Variants in SEC11A observed in about 807,000 individuals in gnomAD.
The protein encoded by SEC11A is signal peptidase complex catalytic subunit SEC11A.
In SEC11A, 14 loss-of-function variants were observed where a neutral mutation model predicts 25.6. The ratio of observed to expected loss-of-function variants is 0.55; its 90% CI spans 0.36 to 0.85. SEC11A has a LOEUF of 0.85. Ranked by LOEUF, SEC11A falls within the 40% of genes least tolerant of loss-of-function variation. The pLI, the probability that SEC11A is intolerant of heterozygous loss-of-function variation, is 0.01. For missense variants in SEC11A, 153 were observed against 222.9 expected (o/e 0.69, Z 2.00); for synonymous variants, 83 against 76.4 (o/e 1.09, Z -0.45).
At chr15:84,687,582 A>T (rs1471602612) in intron 3 of SEC11A, 43 bp downstream of exon 3, 1 of 1,492,468 alleles carries the variant, frequency 6.7e-7, no homozygotes, top group African/African-American at 1.4e-5. Flanking sequence ...CAAACACTTA[A>T]ACAAAAGCAC....
intron 1 of SEC11A, among the ~76,000 whole-genome samples, chr15:84,707,181 C>CTTTT (rs35694643): frequency 2.4e-4 from 22 of 91,658 alleles, no homozygotes; most frequent in African/African-American, 3.3e-4. Context: ...TTGTGTGAGA[C>CTTTT]TTTTTTTTTT....
Position 84,687,787 on chromosome 15 carries a change from G to A in SEC11A, c.162-13C>T. Reference sequence around the variant, plus strand: ...TTCCATGCTGCCACTGGAAGGGAAAGAAGAATATAACAGCAAAAAGAAAGT... The same window carrying A: ...TTCCATGCTGCCACTGGAAGGGAAAAAAGAATATAACAGCAAAAAGAAAGT... On this transcript the variant is annotated splice_polypyrimidine_tract_variant and intron_variant, in intron 2 of 5. Coordinates refer to ENST00000268220, the MANE Select transcript of SEC11A (RefSeq NM_014300.4). 1 of 1,582,262 alleles carries A rather than the reference G, an allele frequency of 6.3e-7. No homozygotes were observed. The highest frequency in any genetic ancestry group is 8.5e-7 in the Non-Finnish European group (1 of 1,171,386).
chr15:84,680,755 T>C lies in SEC11A; in HGVS notation c.389A>G (p.Gln130Arg). Reference protein sequence around the residue: ...VDDRGLYKQGQHWLEKKDVVG... With the variant: ...VDDRGLYKQGRHWLEKKDVVG... ...AACATCTTTTTTCTCTAGCCAATGT[T>C]GTCCTTGTTTATAGAGGCCTCGGTC... The change falls in exon 4 of 6, where the codon CAA (glutamine) becomes CGA (arginine). Residue 130 changes from glutamine to arginine, a missense_variant. Transcript: ENST00000268220. 1 of 1,613,250 alleles carries C rather than the reference T, an allele frequency of 6.2e-7. No individual in the cohort carries two copies. The highest frequency in any genetic ancestry group is 8.5e-7 in the Non-Finnish European group (1 of 1,179,364).
At chr15:84,714,955 A>T (rs1898410643) in intron 1 of SEC11A, 1 of 152,172 alleles carries the variant, frequency 6.6e-6, no homozygotes. Flanking sequence ...AATATGGATT[A>T]AAAAAAGACA....
At chr15:84,687,897 A>C in intron 2 of SEC11A, 123 bp from the exon 3 acceptor site, 1 of 767,148 alleles carries the variant, frequency 1.3e-6, no homozygotes, top group Non-Finnish European at 2.0e-6. Context: ...CCTAACAACT[A>C]TATCAACAGA....
chr15:84,701,136 G>A (rs2141912178), intron 1 of SEC11A, among the ~76,000 whole-genome samples: 1 of 130,410 alleles, frequency 7.7e-6, no homozygotes, highest in South Asian at 2.4e-4. Flanking sequence ...CATAACAATA[G>A]AAATTATCTC....
intron 3 of SEC11A, among the ~76,000 whole-genome samples, chr15:84,682,390 A>G (rs953995031): frequency 6.6e-6 from 1 of 152,190 alleles, no homozygotes; most frequent in Non-Finnish European, 1.5e-5. Context: ...TTCAAAGAAG[A>G]AATACCTCAA....
intron 1 of SEC11A, among the ~76,000 whole-genome samples, chr15:84,694,260 C>A (rs1052583118): frequency 2.6e-5 from 4 of 151,718 alleles, no homozygotes; most frequent in African/African-American, 9.7e-5. Flanking sequence ...AAGGCTGAAG[C>A]ACAAGAATCA....
In SEC11A at chr15:84,687,793, T is replaced by A; in HGVS notation, c.162-19A>T. ...GCTGCCACTGGAAGGGAAAGAAGAATATAACAGCAAAAAGAAAGTATGAGA... is the reference window on the plus strand; with the variant it reads ...GCTGCCACTGGAAGGGAAAGAAGAAAATAACAGCAAAAAGAAAGTATGAGA... On this transcript the variant is annotated intron_variant, in intron 2 of 5. Transcript: ENST00000268220. 1 of 1,574,294 alleles carries A rather than the reference T, an allele frequency of 6.4e-7. No homozygotes were observed. The highest frequency in any genetic ancestry group is 2.1e-5 in the Admixed American group (1 of 46,608).
intron 1 of SEC11A, among the ~76,000 whole-genome samples, chr15:84,701,103 G>A (rs1223294811): frequency 7.4e-6 from 1 of 134,286 alleles, no homozygotes; most frequent in Admixed American, 7.9e-5. Flanking sequence ...CACCTCAGAA[G>A]AAAAGTTTAG....
Position 84,691,485 on chromosome 15 carries a change from C to A in SEC11A, c.161+50G>T, listed in dbSNP as rs367610200. 1.1e-5 allele frequency: 11 copies of A among 998,180 alleles called. No individual in the cohort carries two copies. In the African/African-American group the frequency reaches 1.8e-4, roughly 16 times the overall value. The allele number at this position is 998,180 out of a possible 1,614,324, so 61.8% of individuals were successfully genotyped here. A position where few individuals can be genotyped will look rare whatever the true frequency, so the allele number is the denominator to read the frequency against. On this transcript the variant is annotated intron_variant, in intron 2 of 5. Transcript: ENST00000268220. ...CCAGTTATTTCATATCTCAATTTTT[C>A]TCCCAAGTAATGCCATGCAATTCCA...
At chr15:84,695,574 T>C (rs1013720378) in intron 1 of SEC11A, among the ~76,000 whole-genome samples, 3 of 152,166 alleles carry the variant, frequency 2.0e-5, no homozygotes. Flanking sequence ...AAGGCTGCAG[T>C]GAGCTATGAT....
intron 1 of SEC11A, 87 bp downstream of exon 1, chr15:84,715,938 C>G: frequency 7.5e-7 from 1 of 1,324,842 alleles, no homozygotes; most frequent in Non-Finnish European, 1.1e-6. Flanking sequence ...GACCCTCACA[C>G]CAGAACCCTG....
intron 1 of SEC11A, among the ~76,000 whole-genome samples, chr15:84,705,874 A>G (rs1898079869): frequency 6.6e-6 from 1 of 151,538 alleles, no homozygotes; most frequent in Non-Finnish European, 1.5e-5. Flanking sequence ...TATGCTTCCC[A>G]TCCTTACAAC....
At chr15:84,708,545 C>T (rs975197207) in intron 1 of SEC11A, among the ~76,000 whole-genome samples, 1 of 151,646 alleles carries the variant, frequency 6.6e-6, no homozygotes, top group Non-Finnish European at 1.5e-5. Flanking sequence ...AGCGACAACT[C>T]GTTTAAAAAA....
At chr15:84,694,801 A>G (rs1423886232) in intron 1 of SEC11A, among the ~76,000 whole-genome samples, 1 of 151,910 alleles carries the variant, frequency 6.6e-6, no homozygotes, top group Admixed American at 6.6e-5. Flanking sequence ...AAAAAAAAAT[A>G]CAAAAAAAGG....
At chr15:84,675,225 C>T (rs576749427) in intron 4 of SEC11A, among the ~76,000 whole-genome samples, 2 of 152,176 alleles carry the variant, frequency 1.3e-5, no homozygotes, top group Non-Finnish European at 1.5e-5. Context: ...TAGCCTGTGC[C>T]AAGTTAATAT....
chr15:84,709,800 T>C (rs1310020284), intron 1 of SEC11A, among the ~76,000 whole-genome samples: 1 of 152,140 alleles, frequency 6.6e-6, no homozygotes, highest in Non-Finnish European at 1.5e-5. Flanking sequence ...TGGAGTGCAG[T>C]GGCACAATCT....
intron 4 of SEC11A, chr15:84,673,632 T>C: frequency 6.5e-6 from 1 of 153,304 alleles, no homozygotes; most frequent in Non-Finnish European, 1.5e-5. Flanking sequence ...GATTCTTGGC[T>C]GGGCACGGTG....
Sources: allele counts gnomAD v4.1 joint callset (sites outside exome capture counted in the v4.1 genomes callset), GRCh38; gene constraint gnomAD v4.1.1; transcripts MANE v1.5; gene names NCBI Gene and HGNC (gene_info 2026-07-23, HGNC 2026-07-21).